PHTF2: variants seen among roughly 807,000 people sequenced by gnomAD.
PHTF2 encodes the protein protein PHTF2.
A neutral mutation model predicts 101.2 loss-of-function variants in PHTF2; 60 were observed. The observed-to-expected ratio is 0.59, with a 90% CI of 0.48 to 0.73. The LOEUF (loss-of-function observed/expected upper bound fraction) is 0.73, where lower values mean the gene tolerates loss of function less well. Ranked by LOEUF, PHTF2 falls within the 30% of genes least tolerant of loss-of-function variation. The probability of loss-of-function intolerance (pLI) is 0.00; values close to 1 mark genes in which losing one functional copy is unlikely to be tolerated. For missense variants in PHTF2, 747 were observed against 908.7 expected, an observed-to-expected ratio of 0.82 and a Z score of 2.29; for synonymous variants, 311 against 307.3, an observed-to-expected ratio of 1.01 and a Z score of -0.13.
chr7:77,902,878 A>C (rs1161701855), intron 7 of PHTF2, among the ~76,000 whole-genome samples: 2 of 152,190 alleles, frequency 1.3e-5, no homozygotes, highest in African/African-American at 4.8e-5. Context: ...TCTTATATAC[A>C]TAAAAGGGTG....
At chr7:77,842,744 T>C (rs1038875512) in intron 2 of PHTF2, among the ~76,000 whole-genome samples, 32 of 152,316 alleles carry the variant, frequency 2.1e-4, no homozygotes, top group African/African-American at 7.5e-4. Flanking sequence ...AGATACAAAA[T>C]GTCGTACAAC....
intron 1 of PHTF2, among the ~76,000 whole-genome samples, chr7:77,800,862 A>G (rs1044248317): frequency 6.6e-6 from 1 of 152,244 alleles, no homozygotes; most frequent in African/African-American, 2.4e-5. Context: ...TAATTTGTTC[A>G]AGATTTCTTC....
chr7:77,814,767 G>C (rs560307692), intron 1 of PHTF2, among the ~76,000 whole-genome samples: 2 of 151,688 alleles, frequency 1.3e-5, no homozygotes, highest in African/African-American at 2.4e-5. Context: ...CGCCCGGTCT[G>C]GGGGGGCATT....
At chr7:77,932,621 A>AGAGTGTGTGTGTGTGTGTGTGTGT (rs759880633) in intron 12 of PHTF2, among the ~76,000 whole-genome samples, 3 of 118,476 alleles carry the variant, frequency 2.5e-5, no homozygotes, top group African/African-American at 1.1e-4. Flanking sequence ...AGAGAGAGAG[A>AGAGTGTGTGTGTGTGTGTGTGTGT]GTGTGTGTGT....
intron 2 of PHTF2, among the ~76,000 whole-genome samples, chr7:77,853,816 T>C (rs1038330216): frequency 1.3e-5 from 2 of 152,186 alleles, no homozygotes; most frequent in African/African-American, 2.4e-5. Flanking sequence ...GTTAAATTTT[T>C]CTAATAGGAT....
chr7:77,949,226 T>G (rs971955271), intron 16 of PHTF2, among the ~76,000 whole-genome samples: 1 of 152,136 alleles, frequency 6.6e-6, no homozygotes, highest in African/African-American at 2.4e-5. Context: ...AACATTTATA[T>G]AAACTTTTTC....
chr7:77,923,103 T>A (rs1049532459), intron 11 of PHTF2: 16 of 1,020,316 alleles, frequency 1.6e-5, no homozygotes, highest in Non-Finnish European at 1.9e-5. Context: ...TTTGAAAGGC[T>A]TTATACATTT....
intron 3 of PHTF2, among the ~76,000 whole-genome samples, chr7:77,874,133 T>G (rs1466533391): frequency 6.6e-6 from 1 of 152,202 alleles, no homozygotes; most frequent in Non-Finnish European, 1.5e-5. Context: ...ACTCCTTGCC[T>G]CTCATGAGTG....
intron 1 of PHTF2, among the ~76,000 whole-genome samples, chr7:77,802,723 G>T (rs1427341777): frequency 6.6e-6 from 1 of 151,950 alleles, no homozygotes; most frequent in African/African-American, 2.4e-5. Flanking sequence ...TTATTTTTTT[G>T]TACATACAGG....
intron 1 of PHTF2, among the ~76,000 whole-genome samples, chr7:77,811,774 A>G (rs1426818973): frequency 1.3e-5 from 2 of 152,104 alleles, no homozygotes; most frequent in South Asian, 2.1e-4. Flanking sequence ...TTCTTTTACT[A>G]TGAAGTGGTA....
chr7:77,800,851 C>T (rs1011145326), intron 1 of PHTF2, among the ~76,000 whole-genome samples: 3 of 152,194 alleles, frequency 2.0e-5, no homozygotes, highest in African/African-American at 4.8e-5. Context: ...CTTAGTTTAA[C>T]TAATTTGTTC....
At chr7:77,813,964 A>G (rs778387164) in intron 1 of PHTF2, among the ~76,000 whole-genome samples, 1 of 152,214 alleles carries the variant, frequency 6.6e-6, no homozygotes, top group African/African-American at 2.4e-5. Flanking sequence ...GTGTCCAGTC[A>G]TATGTTCCTC....
At chr7:77,942,550 G>T in intron 15 of PHTF2, 150 bp from the exon 15 acceptor site, 1 of 434,826 alleles carries the variant, frequency 2.3e-6, no homozygotes. Flanking sequence ...ATTAAAATTT[G>T]CCTAACAAAT....
chr7:77,813,889 T>G (rs1342048816), intron 1 of PHTF2, among the ~76,000 whole-genome samples: 1 of 152,214 alleles, frequency 6.6e-6, no homozygotes. Flanking sequence ...CTTAGTAGTT[T>G]TATCAATCAT....
chr7:77,915,470 C>T (rs1057260261), intron 9 of PHTF2, among the ~76,000 whole-genome samples: 22 of 152,238 alleles, frequency 1.4e-4, no homozygotes, highest in African/African-American at 4.1e-4. Context: ...CTCGTCCTCC[C>T]AGAGTGCTAG....
At chr7:77,913,458 T>G (rs945453472) in intron 9 of PHTF2, among the ~76,000 whole-genome samples, 3 of 152,158 alleles carry the variant, frequency 2.0e-5, no homozygotes, top group Non-Finnish European at 4.4e-5. Context: ...TCAATTAATT[T>G]TTAATTAATG....
At chr7:77,889,911 T>C (rs1800226703) in intron 3 of PHTF2, among the ~76,000 whole-genome samples, 1 of 152,130 alleles carries the variant, frequency 6.6e-6, no homozygotes, top group Admixed American at 6.6e-5. Flanking sequence ...TCTGGTAGTA[T>C]TTCCAAAACA....
chr7:77,897,627 C>T (rs1800993017), intron 5 of PHTF2, among the ~76,000 whole-genome samples: 1 of 151,968 alleles, frequency 6.6e-6, no homozygotes, highest in South Asian at 2.1e-4. Context: ...ATGTGGTTTA[C>T]CCCAAGCCAA....
At chr7:77,850,360 C>CAAAAAAAAAAAAAAAAAAAAAAAAAA (rs71082789) in intron 2 of PHTF2, among the ~76,000 whole-genome samples, 2 of 44,376 alleles carry the variant, frequency 4.5e-5, no homozygotes, top group African/African-American at 1.7e-4. Flanking sequence ...GACCTTGTCT[C>CAAAAAAAAAAAAAAAAAAAAAAAAAA]AAAAAAAAAA....
Sources: allele counts gnomAD v4.1 joint callset (sites outside exome capture counted in the v4.1 genomes callset), GRCh38; gene constraint gnomAD v4.1.1; transcripts MANE v1.5; gene names NCBI Gene and HGNC (gene_info 2026-07-23, HGNC 2026-07-21).